Variants in MCC observed in about 807,000 individuals in gnomAD.
MCC encodes MCC regulator of Wnt signaling pathway.
MCC carries 90 observed loss-of-function variants against 116.2 expected under a neutral mutation model. That is an observed-to-expected ratio of 0.77 (90% CI 0.65 to 0.92). MCC has a LOEUF of 0.92. MCC is among the 40% of genes least tolerant of loss of function. The pLI is 0.00. For missense variants in MCC, 1,516 were observed against 1,312.2 expected (o/e 1.16, Z -2.40); for synonymous variants, 578 against 510.5 (o/e 1.13, Z -1.78).
chr5:113,197,340 G>C (rs775115609), intron 3 of MCC, among the ~76,000 whole-genome samples: 4 of 152,132 alleles, frequency 2.6e-5, no homozygotes, highest in Non-Finnish European at 5.9e-5. Context: ...GGAGAGGATA[G>C]GTAGGTAGCG....
chr5:113,391,314 T>C (rs1445143930), intron 1 of MCC, among the ~76,000 whole-genome samples: 1 of 152,172 alleles, frequency 6.6e-6, no homozygotes, highest in Non-Finnish European at 1.5e-5. Flanking sequence ...CTGAAGGTTC[T>C]GGGTTTATAG....
chr5:113,237,976 G>C (rs1764195457), intron 3 of MCC, among the ~76,000 whole-genome samples: 2 of 152,162 alleles, frequency 1.3e-5, no homozygotes, highest in Non-Finnish European at 2.9e-5. Flanking sequence ...CTGAAGTAGG[G>C]AAACAGAGGT....
chr5:113,333,444 A>G (rs1767749597), intron 3 of MCC, among the ~76,000 whole-genome samples: 1 of 151,644 alleles, frequency 6.6e-6, no homozygotes, highest in Non-Finnish European at 1.5e-5. Context: ...AAAACTTGCT[A>G]TGTCAGTTTT....
chr5:113,091,221 A>G (rs947476240), intron 8 of MCC, among the ~76,000 whole-genome samples: 4 of 152,140 alleles, frequency 2.6e-5, no homozygotes, highest in African/African-American at 9.7e-5. Context: ...ATACTGTGGG[A>G]CTCCAAACTT....
intron 8 of MCC, among the ~76,000 whole-genome samples, chr5:113,090,501 CACA>C (rs796346968): frequency 1.3e-5 from 2 of 152,206 alleles, no homozygotes; most frequent in African/African-American, 4.8e-5. Flanking sequence ...GGATTAAAAC[CACA>C]ACGGAGATAA....
intron 3 of MCC, among the ~76,000 whole-genome samples, chr5:113,292,169 T>A (rs1766523097): frequency 6.6e-6 from 1 of 151,980 alleles, no homozygotes; most frequent in Non-Finnish European, 1.5e-5. Context: ...GAGGCAGAGG[T>A]TGCAGTGAGC....
intron 3 of MCC, among the ~76,000 whole-genome samples, chr5:113,222,459 A>AT (rs1272511157): frequency 1.3e-5 from 2 of 152,066 alleles, no homozygotes; most frequent in East Asian, 1.9e-4. Flanking sequence ...CTCTACTTCA[A>AT]TTTTTTTGGA....
rs113004701 is a variant in MCC, at chr5:113,211,306, T to C, written c.628-59884A>G. 2.0e-3 allele frequency among the ~76,000 whole-genome samples: 312 copies of C among 152,352 alleles called. 1 individual carries two copies. The highest frequency in any genetic ancestry group is 7.2e-3 in the African/African-American group (300 of 41,582). ...GCTGAATTTGCTCTCGCCTTGATCT[T>C]GGACTTCCCAGACTTCAGAACTGTG... On this transcript the variant is annotated intron_variant, in intron 3 of 18. Transcript: ENST00000408903.
Position 113,023,557 on chromosome 5 carries a change from C to T in MCC, c.*3745G>A, listed in dbSNP as rs1750308145. The stretch of plus-strand genomic sequence containing the variant: ...TTAAGGTCAGTGCAGAAATCTCAAC[C>T]ATTACAGAAGTCTCTTACTATTTTG... On this transcript the variant is annotated 3_prime_UTR_variant, in exon 19 of 19. Coordinates refer to ENST00000408903, the MANE Select transcript of MCC (RefSeq NM_001085377.2). The T allele has an allele frequency of 6.6e-6, 1 of 152,206 alleles. No individual in the cohort carries two copies. Among genetic ancestry groups the T allele is most frequent in the Non-Finnish European group, 1.5e-5 (1 of 68,030 alleles). The allele number at this position is 152,206 out of a possible 1,614,324, so 9.4% of individuals were successfully genotyped here.
intron 2 of MCC, among the ~76,000 whole-genome samples, chr5:113,354,858 T>C (rs972503114): frequency 6.8e-6 from 1 of 147,500 alleles, no homozygotes; most frequent in Non-Finnish European, 1.5e-5. Flanking sequence ...GGCCTGTTAA[T>C]GCAAGAATGT....
chr5:113,401,769 T>TTATA (rs34691429), intron 1 of MCC, among the ~76,000 whole-genome samples: 54 of 116,388 alleles, frequency 4.6e-4, no homozygotes, highest in South Asian at 2.6e-3. Context: ...GTTTTCTTAT[T>TTATA]TATATATATA....
Position 113,197,736 on chromosome 5 carries a change from T to C in MCC, c.628-46314A>G, listed in dbSNP as rs563230653. On this transcript the variant is annotated intron_variant, in intron 3 of 18. Transcript: ENST00000408903. Reference sequence around the variant, plus strand: ...GCAACCCCACATGGGTGAATTACTATCCTCACTTTATAGTTGAGAAGAAAA... The same window carrying C: ...GCAACCCCACATGGGTGAATTACTACCCTCACTTTATAGTTGAGAAGAAAA... Among the ~76,000 whole-genome samples the C allele has an allele frequency of 4.7e-4, 71 of 152,320 alleles. 1 individual carries two copies. In the South Asian group the frequency reaches 0.015, roughly 31 times the overall value.
intron 3 of MCC, among the ~76,000 whole-genome samples, chr5:113,226,993 TTTG>T (rs1017207250): frequency 2.6e-5 from 4 of 152,332 alleles, no homozygotes; most frequent in African/African-American, 9.6e-5. Flanking sequence ...GAATGTATAT[TTTG>T]TTATTTGCTA....
At chr5:113,134,459 T>G (rs1758666003) in intron 5 of MCC, among the ~76,000 whole-genome samples, 1 of 152,144 alleles carries the variant, frequency 6.6e-6, no homozygotes, top group South Asian at 2.1e-4. Context: ...ACTATGCTGT[T>G]TTGGTTGCCA....
At position 113,026,552 on chromosome 5, in the gene MCC, G is replaced by A. The variant is rs1456891529; in HGVS notation, c.*750C>T. Reference sequence around the variant, plus strand: ...ATATTAATAAGGCTCCACTGAGAGGGAGAAATCCCAGAATCAAGAGAGCGC... The same window carrying A: ...ATATTAATAAGGCTCCACTGAGAGGAAGAAATCCCAGAATCAAGAGAGCGC... On this transcript the variant is annotated 3_prime_UTR_variant, in exon 19 of 19. Coordinates refer to ENST00000408903, the MANE Select transcript of MCC (RefSeq NM_001085377.2). 6.6e-6 allele frequency: 1 copy of A among 152,208 alleles called. No individual in the cohort carries two copies. The highest frequency in any genetic ancestry group is 6.5e-5 in the Admixed American group (1 of 15,286). The allele number at this position is 152,208 out of a possible 1,614,324, so 9.4% of individuals were successfully genotyped here. A position where few individuals can be genotyped will look rare whatever the true frequency, so the allele number is the denominator to read the frequency against.
At chr5:113,290,265 T>C (rs1326394236) in intron 3 of MCC, among the ~76,000 whole-genome samples, 2 of 152,240 alleles carry the variant, frequency 1.3e-5, no homozygotes. Flanking sequence ...AATGAAGATC[T>C]AAGAAGAAAG....
intron 12 of MCC, among the ~76,000 whole-genome samples, chr5:113,069,929 A>G (rs1239423457): frequency 1.3e-5 from 2 of 152,242 alleles, no homozygotes; most frequent in African/African-American, 4.8e-5. Flanking sequence ...GAGTTAAGAC[A>G]AAGGGCTGAA....
At chr5:113,321,350 AT>A (rs1166806978) in intron 3 of MCC, among the ~76,000 whole-genome samples, 1 of 152,180 alleles carries the variant, frequency 6.6e-6, no homozygotes, top group Non-Finnish European at 1.5e-5. Flanking sequence ...TCTGACCCCA[AT>A]TTTTAGATCT....
chr5:113,423,313 A>C (rs1408311136), intron 1 of MCC, among the ~76,000 whole-genome samples: 1 of 152,190 alleles, frequency 6.6e-6, no homozygotes. Context: ...CATGAGTGAC[A>C]GTGCTGTTGG....
Sources: gnomAD v4.1 joint callset for allele counts (sites outside exome capture counted in the v4.1 genomes callset) on GRCh38, gnomAD v4.1.1 for gene constraint, MANE v1.5 for transcripts, NCBI Gene and HGNC (gene_info 2026-07-23, HGNC 2026-07-21) for gene names.